The following UNC13B variants were observed in gnomAD, a reference collection of about 807,000 sequenced individuals.
UNC13B encodes protein unc-13 homolog B.
UNC13B carries 144 observed loss-of-function variants against 211.0 expected under a neutral mutation model. The ratio of observed to expected loss-of-function variants is 0.68; its 90% CI spans 0.60 to 0.78. UNC13B has a LOEUF of 0.78. Ranked by LOEUF, UNC13B falls within the 30% of genes least tolerant of loss-of-function variation. UNC13B has a pLI of 0.00. For missense variants in UNC13B, 1,777 were observed against 2,002.0 expected, an observed-to-expected ratio of 0.89 and a Z score of 2.14; for synonymous variants, 709 against 725.8, an observed-to-expected ratio of 0.98 and a Z score of 0.37.
At position 35,386,181 on chromosome 9, in the gene UNC13B, G is replaced by A. The variant is rs777504510; in HGVS notation, c.10982G>A (p.Ser3661Asn). 3 of 1,614,034 alleles carry A rather than the reference G, an allele frequency of 1.9e-6. No individual in the cohort carries two copies. In the African/African-American group the frequency reaches 4.0e-5, roughly 22 times the overall value. ...AATTGGCAGGTACAAGAACTGCAAA[G>A]CCCTCCAAGAGCCAGCCAGGTGGTA... The part of the protein sequence containing the change: ...FFRMKVQELQ[S>N]PPRASQVVKD... The change falls in exon 24 of 40, where the codon AGC becomes AAC. Residue 3661 changes from serine to asparagine, a missense_variant. Transcript: ENST00000635942.
intron 14 of UNC13B, 28 bp downstream of exon 14, chr9:35,375,229 CCA>C: frequency 6.2e-7 from 1 of 1,611,054 alleles, no homozygotes; most frequent in Non-Finnish European, 8.5e-7. Context: ...TTTCGTAAGT[CCA>C]CTGGCCTCAG....
At chr9:35,163,155 G>A (rs749393710) in intron 1 of UNC13B, among the ~76,000 whole-genome samples, 3 of 152,118 alleles carry the variant, frequency 2.0e-5, no homozygotes, top group Non-Finnish European at 4.4e-5. Context: ...GAAAACACAG[G>A]GTTTGGATTA....
intron 7 of UNC13B, among the ~76,000 whole-genome samples, chr9:35,259,804 G>C (rs1051735716): frequency 1.4e-5 from 2 of 144,594 alleles, no homozygotes; most frequent in Admixed American, 6.9e-5. Flanking sequence ...TGCGGGGGGG[G>C]GGGATTTTGA....
chr9:35,226,604 G>C (rs970293226), intron 1 of UNC13B, among the ~76,000 whole-genome samples: 1 of 152,216 alleles, frequency 6.6e-6, no homozygotes, highest in Non-Finnish European at 1.5e-5. Flanking sequence ...CAAAGCACAG[G>C]TGTAAGACCA....
rs397728169 is a variant in UNC13B at position 35,174,149 on chromosome 9, T to TC, written c.22+11844_22+11845insC. The stretch of plus-strand genomic sequence containing the variant: ...CTTCCTAGACCTCTCTCTCTCTCTC[T>TC]TTTTTTGAGACAGAATCTCACCTTT... On this transcript the variant is annotated intron_variant, in intron 1 of 39. Transcript: ENST00000635942. 7.5e-3 allele frequency among the ~76,000 whole-genome samples: 1,132 copies of TC among 150,512 alleles called. 11 individuals carry two copies. Among genetic ancestry groups the TC allele is most frequent in the Admixed American group, 0.014 (214 of 15,078 alleles).
intron 21 of UNC13B, among the ~76,000 whole-genome samples, chr9:35,383,919 G>A (rs1835015549): frequency 6.6e-6 from 1 of 152,100 alleles, no homozygotes; most frequent in African/African-American, 2.4e-5. Flanking sequence ...ATAAGTTACA[G>A]TCCCAAAGGT....
At chr9:35,325,240 G>C (rs919623567) in intron 11 of UNC13B, among the ~76,000 whole-genome samples, 3 of 152,164 alleles carry the variant, frequency 2.0e-5, no homozygotes, top group Admixed American at 2.0e-4. Context: ...TTTGCATTCT[G>C]GGCAGTTGAG....
At chr9:35,383,794 C>G (rs191513500) in intron 21 of UNC13B, among the ~76,000 whole-genome samples, 1 of 152,278 alleles carries the variant, frequency 6.6e-6, no homozygotes, top group East Asian at 1.9e-4. Context: ...GATTCTCCCT[C>G]CTATCATCAC....
intron 28 of UNC13B, 91 bp from the exon 29 acceptor site, chr9:35,397,076 C>A: frequency 6.2e-7 from 1 of 1,600,856 alleles, no homozygotes; most frequent in Non-Finnish European, 8.5e-7. Context: ...GGGCCATTAG[C>A]CACTCTTGCT....
chr9:35,325,495 A>T (rs1434438280), intron 11 of UNC13B, among the ~76,000 whole-genome samples: 1 of 152,212 alleles, frequency 6.6e-6, no homozygotes. Flanking sequence ...CAGCCTTCTC[A>T]TTCAGCCCTA....
chr9:35,170,554 G>A (rs772331524), intron 1 of UNC13B, among the ~76,000 whole-genome samples: 6 of 151,324 alleles, frequency 4.0e-5, no homozygotes, highest in African/African-American at 9.7e-5. Context: ...CTGCAGCCTC[G>A]ACCTCCTGGG....
chr9:35,172,669 A>C (rs1387447465), intron 1 of UNC13B, among the ~76,000 whole-genome samples: 2 of 152,248 alleles, frequency 1.3e-5, no homozygotes, highest in African/African-American at 4.8e-5. Flanking sequence ...TCTTTAGTAA[A>C]AATGAAATGT....
chr9:35,397,416 C>A, intron 29 of UNC13B, 106 bp downstream of exon 29: 1 of 1,512,996 alleles, frequency 6.6e-7, no homozygotes, highest in Non-Finnish European at 9.0e-7. Context: ...TGGTAAAGCT[C>A]GTGTGACCCC....
At chr9:35,331,917 G>A (rs1831390929) in intron 11 of UNC13B, among the ~76,000 whole-genome samples, 1 of 151,764 alleles carries the variant, frequency 6.6e-6, no homozygotes, top group African/African-American at 2.4e-5. Context: ...CTTTAATTAA[G>A]CAACTACTCT....
intron 1 of UNC13B, among the ~76,000 whole-genome samples, chr9:35,227,468 A>ATAAACACAGTGCACACTGGAGT (rs1274509942): frequency 7.2e-5 from 11 of 152,062 alleles, no homozygotes; most frequent in Admixed American, 1.3e-4. Flanking sequence ...AGGAGTTGGC[A>ATAAACACAGTGCACACTGGAGT]TGTGCACTCC....
chr9:35,332,603 C>G (rs1308026786), intron 11 of UNC13B, among the ~76,000 whole-genome samples: 2 of 152,144 alleles, frequency 1.3e-5, no homozygotes, highest in Non-Finnish European at 1.5e-5. Context: ...TTTGCTTAGA[C>G]TATAGTATTA....
intron 11 of UNC13B, among the ~76,000 whole-genome samples, chr9:35,359,869 A>T (rs1405339709): frequency 6.6e-6 from 1 of 152,158 alleles, no homozygotes; most frequent in Non-Finnish European, 1.5e-5. Context: ...TTCTCCTCAC[A>T]ACAATCAGAG....
Position 35,396,550 on chromosome 9 carries a change from G to A in UNC13B, c.11383G>A (p.Glu3795Lys). The A allele has an allele frequency of 1.2e-6, 2 of 1,614,134 alleles. No homozygotes were observed. The highest frequency in any genetic ancestry group is 8.5e-7 in the Non-Finnish European group (1 of 1,180,032). The change falls in exon 27 of 40, where the codon GAA becomes AAA. Residue 3795 changes from glutamate (E) to lysine (K), a missense_variant. Glu to Lys is a moderately conservative substitution (Grantham distance 56, BLOSUM62 1). Transcript: ENST00000635942. ...CTTCAAGGTGAAGTGGCTCCACAATGAATACGTGCGGGATCTGCCTGTCCT... is the reference window on the plus strand; with the variant it reads ...CTTCAAGGTGAAGTGGCTCCACAATAAATACGTGCGGGATCTGCCTGTCCT... ...LHFKVKWLHNEYVRDLPVLQG... is the reference protein window; with the variant it reads ...LHFKVKWLHNKYVRDLPVLQG...
At chr9:35,343,376 T>C (rs1372797816) in intron 11 of UNC13B, among the ~76,000 whole-genome samples, 1 of 152,214 alleles carries the variant, frequency 6.6e-6, no homozygotes, top group Non-Finnish European at 1.5e-5. Context: ...ATTATGTTCT[T>C]GTCTGTGAGA....
Sources: gnomAD v4.1 joint callset for allele counts (sites outside exome capture counted in the v4.1 genomes callset) on GRCh38, gnomAD v4.1.1 for gene constraint, MANE v1.5 for transcripts, NCBI Gene and HGNC (gene_info 2026-07-23, HGNC 2026-07-21) for gene names.